ATXN10: variants seen among roughly 807,000 people sequenced by gnomAD.
The protein encoded by ATXN10 is ataxin 10, also known as ataxin-10.
ATXN10 carries 28 observed loss-of-function variants against 52.9 expected under a neutral mutation model. The ratio of observed to expected loss-of-function variants is 0.53; its 90% CI spans 0.39 to 0.73. The LOEUF is 0.73. Ranked by LOEUF, ATXN10 falls within the 30% of genes least tolerant of loss-of-function variation. The pLI is 0.00. For synonymous variants in ATXN10, 226 were observed against 221.5 expected (o/e 1.02, Z -0.18); for missense variants, 565 against 577.0 (o/e 0.98, Z 0.21).
At chr22:45,700,886 G>C (rs1011280045) in intron 4 of ATXN10, among the ~76,000 whole-genome samples, 1 of 152,170 alleles carries the variant, frequency 6.6e-6, no homozygotes, top group Non-Finnish European at 1.5e-5. Flanking sequence ...CATGTAAGAA[G>C]TGAGTAACCA....
Position 45,718,325 on chromosome 22 carries a change from T to C in ATXN10, c.648-88T>C. 2.1e-6 allele frequency: 2 copies of C among 952,610 alleles called. No individual in the cohort carries two copies. Among genetic ancestry groups the C allele is most frequent in the Non-Finnish European group, 3.5e-6 (2 of 578,640 alleles). The allele number at this position is 952,610 out of a possible 1,614,324, so 59.0% of individuals were successfully genotyped here. Reference sequence around the variant, plus strand: ...AATTCACTGAAAAGAAATGCTTTTGTGTGTAAGTGGTGCCTATAAAGTAGA... The same window carrying C: ...AATTCACTGAAAAGAAATGCTTTTGCGTGTAAGTGGTGCCTATAAAGTAGA... On this transcript the variant is annotated intron_variant, in intron 5 of 11. Transcript: ENST00000252934. This position sits in a 1 kb window ranked among gnomAD's most constrained non-coding sequence, Gnocchi z 4.4.
chr22:45,731,760 C>T (rs902675335), intron 7 of ATXN10, among the ~76,000 whole-genome samples: 4 of 152,116 alleles, frequency 2.6e-5, no homozygotes, highest in African/African-American at 7.2e-5. Context: ...AATATACTTT[C>T]GTTCAGGACC....
Position 45,775,154 on chromosome 22 carries a change from C to G in ATXN10, c.1174-31805C>G, listed in dbSNP as rs1364826358. On this transcript the variant is annotated intron_variant, in intron 9 of 11. Transcript: ENST00000252934. The surrounding 1 kb of genome is among the most constrained non-coding windows in gnomAD (Gnocchi z 4.7). Reference sequence around the variant, plus strand: ...GGGCCTTCTTTGAGAAACACTGGCCCTCAGTCCTTACCACTCCTAGAGAAG... The same window carrying G: ...GGGCCTTCTTTGAGAAACACTGGCCGTCAGTCCTTACCACTCCTAGAGAAG... Among the ~76,000 whole-genome samples, 5 of 152,138 alleles carry G rather than the reference C, an allele frequency of 3.3e-5. No homozygotes were observed. Among genetic ancestry groups the G allele is most frequent in the African/African-American group, 1.2e-4 (5 of 41,430 alleles).
chr22:45,695,043 G>A (rs1378768626), intron 3 of ATXN10, among the ~76,000 whole-genome samples: 2 of 148,486 alleles, frequency 1.3e-5, no homozygotes, highest in African/African-American at 5.0e-5. Flanking sequence ...AAATTTTGTT[G>A]TTGTTGGCTG....
Position 45,823,795 on chromosome 22 carries a change from A to G in ATXN10, c.1237+16773A>G, listed in dbSNP as rs1928731355. Among the ~76,000 whole-genome samples, 1 of 152,176 alleles carries G rather than the reference A, an allele frequency of 6.6e-6. No homozygotes were observed. Among genetic ancestry groups the G allele is most frequent in the South Asian group, 2.1e-4 (1 of 4,828 alleles). On this transcript the variant is annotated intron_variant, in intron 10 of 11. Coordinates refer to ENST00000252934, the MANE Select transcript of ATXN10 (RefSeq NM_013236.4). The surrounding 1 kb of genome is among the most constrained non-coding windows in gnomAD (Gnocchi z 4.9). Reference sequence around the variant, plus strand: ...GCACACTGTTCTAGCTGCCAGGGATACAATGGTTGATCAAAAAAGAGACAC... The same window carrying G: ...GCACACTGTTCTAGCTGCCAGGGATGCAATGGTTGATCAAAAAAGAGACAC...
intron 3 of ATXN10, among the ~76,000 whole-genome samples, chr22:45,698,561 T>A (rs1441556720): frequency 6.6e-6 from 1 of 152,256 alleles, no homozygotes; most frequent in Non-Finnish European, 1.5e-5. Context: ...ATTGCCATCT[T>A]AACACTATTG....
At chr22:45,741,673 G>T (rs1330616418) in intron 9 of ATXN10, among the ~76,000 whole-genome samples, 1 of 151,480 alleles carries the variant, frequency 6.6e-6, no homozygotes, top group African/African-American at 2.4e-5. Flanking sequence ...AGTATTATGA[G>T]AAAAAGTAAA....
At chr22:45,810,294 G>T (rs1332207081) in intron 10 of ATXN10, among the ~76,000 whole-genome samples, 1 of 152,130 alleles carries the variant, frequency 6.6e-6, no homozygotes, top group African/African-American at 2.4e-5. Flanking sequence ...TCAGTATGAT[G>T]GTCTTAATTA....
intron 9 of ATXN10, among the ~76,000 whole-genome samples, chr22:45,788,315 G>C (rs1162328827): frequency 2.0e-5 from 3 of 152,010 alleles, no homozygotes; most frequent in African/African-American, 4.8e-5. Flanking sequence ...CGCATCCCCA[G>C]ATCTTTTCTT....
At chr22:45,834,561 A>G (rs1166350218) in intron 10 of ATXN10, among the ~76,000 whole-genome samples, 1 of 152,236 alleles carries the variant, frequency 6.6e-6, no homozygotes, top group Non-Finnish European at 1.5e-5. Context: ...CTGACATTGT[A>G]TCGTGGCTGT....
At position 45,787,315 on chromosome 22, in the gene ATXN10, T is replaced by C. The variant is rs1364532578; in HGVS notation, c.1174-19644T>C. 6.6e-6 allele frequency among the ~76,000 whole-genome samples: 1 copy of C among 152,168 alleles called. No homozygotes were observed. The highest frequency in any genetic ancestry group is 2.4e-5 in the African/African-American group (1 of 41,436). On this transcript the variant is annotated intron_variant, in intron 9 of 11. Transcript: ENST00000252934. The surrounding 1 kb of genome is among the most constrained non-coding windows in gnomAD (Gnocchi z 4.2). ...GTGAGATTTGAGGGTGACGATCCTC[T>C]AGCTGAAATGGACTCTAATTCTCAT...
chr22:45,759,541 C>A lies in ATXN10; in HGVS notation c.1173+19003C>A, dbSNP rs1431884212. On this transcript the variant is annotated intron_variant, in intron 9 of 11. Coordinates refer to ENST00000252934, the MANE Select transcript of ATXN10 (RefSeq NM_013236.4). This position sits in a 1 kb window ranked among gnomAD's most constrained non-coding sequence, Gnocchi z 5.4. ...CAAACAAAAAAGATTCTAGAGCAGT[C>A]TGATCAGGGTGAGGGTTCCGTACTC... is the stretch of plus-strand genomic sequence containing the variant. Among the ~76,000 whole-genome samples, 2 of 152,094 alleles carry A rather than the reference C, an allele frequency of 1.3e-5. No individual in the cohort carries two copies. The highest frequency in any genetic ancestry group is 2.9e-5 in the Non-Finnish European group (2 of 68,010).
At chr22:45,788,739 T>C (rs769468696) in intron 9 of ATXN10, among the ~76,000 whole-genome samples, 1 of 152,010 alleles carries the variant, frequency 6.6e-6, no homozygotes, top group East Asian at 1.9e-4. Flanking sequence ...TCCCTGGAAC[T>C]TTGAACTCCT....
chr22:45,745,550 A>T (rs1177575870), intron 9 of ATXN10, among the ~76,000 whole-genome samples: 1 of 152,262 alleles, frequency 6.6e-6, no homozygotes, highest in African/African-American at 2.4e-5. Flanking sequence ...ATTTTAAAGT[A>T]AGTCTGTACT....
At position 45,748,014 on chromosome 22, in the gene ATXN10, C is replaced by T. The variant is rs574569102; in HGVS notation, c.1173+7476C>T. 7.0e-4 allele frequency among the ~76,000 whole-genome samples: 106 copies of T among 152,086 alleles called. 1 individual carries two copies. The highest frequency in any genetic ancestry group is 2.3e-3 in the African/African-American group (96 of 41,476). On this transcript the variant is annotated intron_variant, in intron 9 of 11. Coordinates refer to ENST00000252934, the MANE Select transcript of ATXN10 (RefSeq NM_013236.4). ...AGGAGTTTGAGACCAGCCTGGGCAA[C>T]GTAATAAGACCGTTTCTCTAAAAAA...
chr22:45,737,092 GTTTGT>G (rs939048825), intron 7 of ATXN10, among the ~76,000 whole-genome samples: 1 of 152,146 alleles, frequency 6.6e-6, no homozygotes, highest in African/African-American at 2.4e-5. Flanking sequence ...CAGTGAGTTG[GTTTGT>G]TTTGTTTTAT....
rs544284810 is a variant in ATXN10, at chr22:45,737,690, CT to C, written c.895-1019del. Among the ~76,000 whole-genome samples, 1,185 of 123,242 alleles carry C rather than the reference CT, an allele frequency of 9.6e-3. 5 individuals carry two copies. Among genetic ancestry groups the C allele is most frequent in the African/African-American group, 0.027 (872 of 32,116 alleles). 80.9% of individuals were successfully genotyped at this position (123,242 alleles called of 152,430 possible). ...GTCTTTCTTTTGAAGAATGTTATCT[CT>C]TTTTTTTTTTTTTTTTTTTTTGTTT... On this transcript the variant is annotated intron_variant, in intron 7 of 11. Transcript: ENST00000252934.
chr22:45,726,798 C>G (rs1924889353), intron 6 of ATXN10, among the ~76,000 whole-genome samples: 2 of 152,166 alleles, frequency 1.3e-5, no homozygotes, highest in African/African-American at 2.4e-5. Flanking sequence ...CCTCCCATCT[C>G]AGCCTCCCAA....
At chr22:45,702,665 C>A (rs370449524) in intron 4 of ATXN10, 24 bp from the exon 5 acceptor site, 4 of 1,613,210 alleles carry the variant, frequency 2.5e-6, no homozygotes, top group Non-Finnish European at 3.4e-6. Context: ...ATTGGGCTAA[C>A]AATCTCATTT....
Sources: allele counts gnomAD v4.1 joint callset (sites outside exome capture counted in the v4.1 genomes callset), GRCh38; gene constraint gnomAD v4.1.1; non-coding constraint Gnocchi (gnomAD v3.1); transcripts MANE v1.5; gene names NCBI Gene and HGNC (gene_info 2026-07-23, HGNC 2026-07-21).